Variants in ROBO2 observed in about 807,000 individuals in gnomAD.
ROBO2 encodes the protein roundabout homolog 2.
ROBO2 carries 53 observed loss-of-function variants against 160.8 expected under a neutral mutation model. The observed-to-expected ratio is 0.33, with a 90% CI of 0.26 to 0.41. ROBO2 has a LOEUF of 0.41. ROBO2 is among the 10% of genes least tolerant of loss of function. The pLI, the probability that ROBO2 is intolerant of heterozygous loss-of-function variation, is 1.00. For synonymous variants in ROBO2, 664 were observed against 611.7 expected (o/e 1.09, Z -1.26); for missense variants, 1,577 against 1,722.4 (o/e 0.92, Z 1.49).
At chr3:76,393,187 C>T (rs2077242521) in intron 2 of ROBO2, among the ~76,000 whole-genome samples, 1 of 152,072 alleles carries the variant, frequency 6.6e-6, no homozygotes, top group Non-Finnish European at 1.5e-5. Context: ...AGGCTGCATC[C>T]AAGACCTATT....
At chr3:76,728,109 C>CA (rs1253106223) in intron 2 of ROBO2, among the ~76,000 whole-genome samples, 1 of 151,066 alleles carries the variant, frequency 6.6e-6, no homozygotes, top group Non-Finnish European at 1.5e-5. Context: ...ACAGACATTA[C>CA]AAAAAATATT....
rs890873923 is a variant in ROBO2 at position 77,213,668 on chromosome 3, T to G, written c.388+115328T>G. 1.5e-4 allele frequency among the ~76,000 whole-genome samples: 23 copies of G among 152,162 alleles called. No homozygotes were observed. The East Asian group carries it at 1.9e-3, about 13-fold the overall frequency. ...CTTCTCTAGTTCTTTTCATTGTGAT[T>G]TTAGGGTGTCAATTTTAGATCTTTC... On this transcript the variant is annotated intron_variant, in intron 2 of 25. Coordinates refer to ENST00000461745, the Ensembl canonical transcript of ROBO2.
At chr3:77,556,991 G>C (rs1456411721) in intron 8 of ROBO2, among the ~76,000 whole-genome samples, 3 of 151,760 alleles carry the variant, frequency 2.0e-5, no homozygotes, top group African/African-American at 7.2e-5. Context: ...AATTCTAAAT[G>C]AAATCTTACC....
intron 2 of ROBO2, among the ~76,000 whole-genome samples, chr3:76,685,258 A>C (rs2092661439): frequency 6.6e-6 from 1 of 151,356 alleles, no homozygotes; most frequent in Non-Finnish European, 1.5e-5. Flanking sequence ...GGGACAAAGA[A>C]AGACAGTCGA....
intron 2 of ROBO2, among the ~76,000 whole-genome samples, chr3:76,622,253 A>ACATAGCCAG (rs2089228014): frequency 5.2e-5 from 3 of 57,544 alleles, no homozygotes; most frequent in Admixed American, 1.7e-4. Flanking sequence ...AAAGAAAGAA[A>ACATAGCCAG]GAAAGAAAGA....
chr3:76,134,040 T>C (rs1043766809), intron 2 of ROBO2, among the ~76,000 whole-genome samples: 5 of 152,166 alleles, frequency 3.3e-5, no homozygotes, highest in African/African-American at 9.6e-5. Flanking sequence ...GCTTGTCATT[T>C]CATAGTACAT....
chr3:77,553,272 A>T (rs2092987581), intron 8 of ROBO2, among the ~76,000 whole-genome samples: 1 of 151,926 alleles, frequency 6.6e-6, no homozygotes, highest in African/African-American at 2.4e-5. Context: ...CCCATATAAG[A>T]TGGTAAACTT....
chr3:77,283,622 AC>A (rs1380738075), intron 2 of ROBO2, among the ~76,000 whole-genome samples: 16 of 152,190 alleles, frequency 1.1e-4, no homozygotes, highest in African/African-American at 3.6e-4. Flanking sequence ...TTTTGAACAT[AC>A]CTAACTGGTT....
At chr3:77,293,079 C>T (rs373640374) in intron 2 of ROBO2, among the ~76,000 whole-genome samples, 2 of 149,360 alleles carry the variant, frequency 1.3e-5, no homozygotes, top group East Asian at 4.0e-4. Flanking sequence ...GCACTAAAGA[C>T]ATAAAGTAAA....
intron 2 of ROBO2, among the ~76,000 whole-genome samples, chr3:76,814,502 C>A (rs2065490598): frequency 6.6e-6 from 1 of 152,066 alleles, no homozygotes; most frequent in South Asian, 2.1e-4. Flanking sequence ...TTAAAATGAA[C>A]CACTATGGCT....
intron 2 of ROBO2, among the ~76,000 whole-genome samples, chr3:77,440,996 C>A (rs1009629979): frequency 6.6e-6 from 1 of 152,026 alleles, no homozygotes; most frequent in Non-Finnish European, 1.5e-5. Flanking sequence ...GTTTACAATT[C>A]CCATATTCTA....
chr3:77,177,800 T>C (rs1275406506), intron 2 of ROBO2, among the ~76,000 whole-genome samples: 1 of 151,978 alleles, frequency 6.6e-6, no homozygotes, highest in African/African-American at 2.4e-5. Context: ...ATGAATGATT[T>C]GTGAAGTAGA....
chr3:77,531,343 A>G (rs556985317), intron 6 of ROBO2, among the ~76,000 whole-genome samples: 4 of 152,178 alleles, frequency 2.6e-5, no homozygotes, highest in South Asian at 4.1e-4. Context: ...AAAATTCACC[A>G]TTTAAAAATT....
At chr3:76,523,033 T>C (rs1483478971) in intron 2 of ROBO2, among the ~76,000 whole-genome samples, 1 of 148,266 alleles carries the variant, frequency 6.7e-6, no homozygotes, top group African/African-American at 2.4e-5. Flanking sequence ...TTTATATATG[T>C]ATATATTATA....
rs183155704 is a variant in ROBO2 at position 77,074,861 on chromosome 3, G to A, written c.62-23153G>A. ...AGGCAACCTTTTCTTCCAAAACTTC[G>A]AGTATTTAAAATGCTACATGTGGAT... On this transcript the variant is annotated intron_variant, in intron 1 of 25. Transcript: ENST00000461745. Among the ~76,000 whole-genome samples the A allele has an allele frequency of 3.9e-4, 60 of 152,244 alleles. 1 individual carries two copies. The highest frequency in any genetic ancestry group is 3.5e-3 in the Admixed American group (53 of 15,292).
chr3:76,410,022 G>C (rs773172138), intron 2 of ROBO2, among the ~76,000 whole-genome samples: 3 of 152,106 alleles, frequency 2.0e-5, no homozygotes, highest in Non-Finnish European at 4.4e-5. Context: ...AAGAAGACCG[G>C]ACAAAAGGCA....
At chr3:76,097,752 C>T (rs191792398) in intron 2 of ROBO2, among the ~76,000 whole-genome samples, 35 of 152,258 alleles carry the variant, frequency 2.3e-4, no homozygotes, top group African/African-American at 7.9e-4. Flanking sequence ...ACTGTAATCT[C>T]TGTGAGGGCT....
chr3:76,181,582 A>C lies in ROBO2; in HGVS notation c.109+243980A>C, dbSNP rs182465513. Among the ~76,000 whole-genome samples the C allele has an allele frequency of 1.7e-4, 26 of 152,266 alleles. No homozygotes were observed. In the Middle Eastern group the frequency reaches 0.014, roughly 80 times the overall value. ...TGTATGTGTTAATTGCATTTAGGAT[A>C]TTTCCTATGCTTCAAGTAAAATATT... On this transcript the variant is annotated intron_variant, in intron 2 of 26. Transcript: ENST00000487694.
intron 2 of ROBO2, among the ~76,000 whole-genome samples, chr3:76,345,654 G>T (rs1440273206): frequency 6.6e-6 from 1 of 151,770 alleles, no homozygotes; most frequent in Non-Finnish European, 1.5e-5. Flanking sequence ...TAGGAGAAAT[G>T]AATTTTCAGG....
Sources: allele counts gnomAD v4.1 joint callset (sites outside exome capture counted in the v4.1 genomes callset), GRCh38; gene constraint gnomAD v4.1.1; transcripts MANE v1.5; gene names NCBI Gene and HGNC (gene_info 2026-07-23, HGNC 2026-07-21).